The following ZNF503 variants were observed in gnomAD, a reference collection of about 807,000 sequenced individuals.
ZNF503 encodes the protein zinc finger protein 503.
A neutral mutation model predicts 34.4 loss-of-function variants in ZNF503; 15 were observed. The ratio of observed to expected loss-of-function variants is 0.44; its 90% CI spans 0.29 to 0.67. The LOEUF (loss-of-function observed/expected upper bound fraction) is 0.67. Among genes scored for constraint, ZNF503 ranks in the 30% least tolerant of loss-of-function variants. The pLI, the probability that ZNF503 is intolerant of heterozygous loss-of-function variation, is 0.13. For missense variants in ZNF503, 1,007 were observed against 926.8 expected (o/e 1.09, Z -1.12); for synonymous variants, 580 against 456.8 (o/e 1.27, Z -3.44).
In ZNF503 at chr10:75,400,275, A is replaced by T. The variant is rs752033962; in HGVS notation, c.415T>A (p.Ser139Thr). 1 of 1,613,130 alleles carries T rather than the reference A, an allele frequency of 6.2e-7. No homozygotes were observed. Among genetic ancestry groups the T allele is most frequent in the African/African-American group, 1.3e-5 (1 of 74,880 alleles). Residue 139 changes from serine to threonine, a missense_variant, in exon 2 of 2, where the codon TCC (serine) becomes ACC (threonine). Coordinates refer to ENST00000372524, the MANE Select transcript of ZNF503 (RefSeq NM_032772.6). ...SPSSKLSSVA[S>T]NGGGAGGAGG... The stretch of plus-strand genomic sequence containing the variant: ...GCACCGCCCGCGCCGCCCCCGTTGG[A>T]GGCAACCGAGGAGAGTTTGGAGGAG...
At chr10:75,392,361 C>T in the ZNF503 span, among the ~76,000 whole-genome samples, 1 of 152,344 alleles carries the variant, frequency 6.6e-6, no homozygotes, top group East Asian at 1.9e-4. Context: ...GTCCTGGTCC[C>T]TGGTACAGTG....
At chr10:75,390,445 CCCTCTT>C in the ZNF503 span, among the ~76,000 whole-genome samples, 1 of 151,056 alleles carries the variant, frequency 6.6e-6, no homozygotes, top group African/African-American at 2.4e-5. Context: ...CTCCCCCTCC[CCCTCTT>C]CCTCCTTCTT....
At chr10:75,305,893 G>A in the ZNF503 span, among the ~76,000 whole-genome samples, 1 of 152,164 alleles carries the variant, frequency 6.6e-6, no homozygotes, top group Admixed American at 6.5e-5. Flanking sequence ...ATATTCCACT[G>A]TATGGGTATA....
chr10:75,333,481 G>A, the ZNF503 span, among the ~76,000 whole-genome samples: 1 of 57,626 alleles, frequency 1.7e-5, no homozygotes, highest in East Asian at 6.5e-4. Context: ...CCTCCCTCCC[G>A]GACGGGGTGG....
Position 75,401,339 on chromosome 10 carries a change from A to G in ZNF503, c.81T>C (p.Gly27=). Residue 27 remains glycine (G), a synonymous_variant, in exon 1 of 2, where the codon GGT becomes GGC. Coordinates refer to ENST00000372524, the MANE Select transcript of ZNF503 (RefSeq NM_032772.6). ...GGGGGGGGGG[G]ADPAWTSALS... ...GCGCGCTGGTCCAGGCAGGGTCTGCACCGCCGCCTCCGCCTCCGCCGCCGC... is the reference window on the plus strand; with the variant it reads ...GCGCGCTGGTCCAGGCAGGGTCTGCGCCGCCGCCTCCGCCTCCGCCGCCGC... 3 of 1,431,418 alleles carry G rather than the reference A, an allele frequency of 2.1e-6. No homozygotes were observed. The highest frequency in any genetic ancestry group is 1.9e-6 in the Non-Finnish European group (2 of 1,050,462). The allele number at this position is 1,431,418 out of a possible 1,614,324, so 88.7% of individuals were successfully genotyped here. A position where few individuals can be genotyped will look rare whatever the true frequency, so the allele number is the denominator to read the frequency against.
chr10:75,292,185 G>C, the ZNF503 span, among the ~76,000 whole-genome samples: 5 of 152,202 alleles, frequency 3.3e-5, no homozygotes, highest in Non-Finnish European at 2.9e-5. Context: ...CTTGTTCTCT[G>C]CCTCAGTGGG....
the ZNF503 span, among the ~76,000 whole-genome samples, chr10:75,391,545 G>A: frequency 6.6e-6 from 1 of 152,294 alleles, no homozygotes; most frequent in African/African-American, 2.4e-5. Context: ...AGGAGTCTTT[G>A]TTATTGTCAG....
the ZNF503 span, among the ~76,000 whole-genome samples, chr10:75,324,074 G>T: frequency 1.4e-5 from 2 of 147,922 alleles, no homozygotes; most frequent in African/African-American, 5.0e-5. Flanking sequence ...ATATGCGTTT[G>T]TCAGAAATAT....
At chr10:75,362,605 G>A in the ZNF503 span, among the ~76,000 whole-genome samples, 1 of 152,292 alleles carries the variant, frequency 6.6e-6, no homozygotes, top group Admixed American at 6.5e-5. Flanking sequence ...TATGGGATTT[G>A]CATTCCATTA....
chr10:75,317,199 C>T, the ZNF503 span, among the ~76,000 whole-genome samples: 2 of 151,842 alleles, frequency 1.3e-5, no homozygotes, highest in East Asian at 1.9e-4. Flanking sequence ...GCCTTGGCCT[C>T]CCAAAGTGCT....
chr10:75,284,522 G>A, the ZNF503 span, among the ~76,000 whole-genome samples: 1 of 152,156 alleles, frequency 6.6e-6, no homozygotes, highest in African/African-American at 2.4e-5. Flanking sequence ...CCCTACCCAG[G>A]TCCAGAACCT....
the ZNF503 span, among the ~76,000 whole-genome samples, chr10:75,282,072 A>G: frequency 6.6e-5 from 10 of 152,352 alleles, no homozygotes; most frequent in African/African-American, 2.4e-4. Flanking sequence ...CCTGTTAACA[A>G]TGTGACTTGT....
At chr10:75,360,266 G>T in the ZNF503 span, among the ~76,000 whole-genome samples, 4 of 150,002 alleles carry the variant, frequency 2.7e-5, no homozygotes, top group Admixed American at 6.6e-5. Context: ...GACTACAGGC[G>T]CCCGCCACCA....
At chr10:75,347,915 C>G in the ZNF503 span, among the ~76,000 whole-genome samples, 1 of 152,162 alleles carries the variant, frequency 6.6e-6, no homozygotes, top group African/African-American at 2.4e-5. Flanking sequence ...CTTCCTCTGT[C>G]CCATCTCGAG....
At chr10:75,392,533 A>G in the ZNF503 span, among the ~76,000 whole-genome samples, 1 of 152,196 alleles carries the variant, frequency 6.6e-6, no homozygotes, top group African/African-American at 2.4e-5. Context: ...ATTCCAGGGA[A>G]GGAGTGTATG....
the ZNF503 span, among the ~76,000 whole-genome samples, chr10:75,322,082 C>T: frequency 3.3e-5 from 5 of 151,802 alleles, no homozygotes; most frequent in African/African-American, 1.2e-4. Context: ...TATGCAAGCA[C>T]CTTGGAATAC....
At chr10:75,287,933 C>A in the ZNF503 span, among the ~76,000 whole-genome samples, 1 of 152,208 alleles carries the variant, frequency 6.6e-6, no homozygotes, top group Non-Finnish European at 1.5e-5. Context: ...TGGGGTCAGT[C>A]TGCCGGGGCC....
At chr10:75,357,354 CAA>C in the ZNF503 span, among the ~76,000 whole-genome samples, 1 of 118,170 alleles carries the variant, frequency 8.5e-6, no homozygotes, top group Non-Finnish European at 1.9e-5. Context: ...TCCATCTTTA[CAA>C]AAAAAAAAAA....
At chr10:75,358,059 C>G in the ZNF503 span, among the ~76,000 whole-genome samples, 1 of 152,268 alleles carries the variant, frequency 6.6e-6, no homozygotes, top group Admixed American at 6.5e-5. Flanking sequence ...CCGTGGGCCA[C>G]TCTATGGAGA....
Sources: gnomAD v4.1 joint callset for allele counts (sites outside exome capture counted in the v4.1 genomes callset) on GRCh38, gnomAD v4.1.1 for gene constraint, MANE v1.5 for transcripts, NCBI Gene and HGNC (gene_info 2026-07-23, HGNC 2026-07-21) for gene names.